FMN1: variants seen among roughly 807,000 people sequenced by gnomAD.
FMN1 encodes formin-1.
A neutral mutation model predicts 132.4 loss-of-function variants in FMN1; 110 were observed. The observed-to-expected ratio is 0.83, with a 90% CI of 0.71 to 0.97. The LOEUF (loss-of-function observed/expected upper bound fraction) is 0.97. Ranked by LOEUF, FMN1 falls within the 50% of genes least tolerant of loss-of-function variation. The pLI is 0.00. For synonymous variants in FMN1, 722 were observed against 651.7 expected (o/e 1.11, Z -1.64); for missense variants, 1,792 against 1,705.3 (o/e 1.05, Z -0.90).
chr15:32,799,981 T>A (rs77339637), intron 18 of FMN1, among the ~76,000 whole-genome samples: 1 of 152,160 alleles, frequency 6.6e-6, no homozygotes, highest in East Asian at 1.9e-4. Flanking sequence ...GGTTTTTTTT[T>A]TGTGTGTGGC....
intron 4 of FMN1, among the ~76,000 whole-genome samples, chr15:33,140,332 A>C (rs1963956680): frequency 6.7e-6 from 1 of 148,238 alleles, no homozygotes; most frequent in Admixed American, 6.9e-5. Context: ...AACTCTTCAA[A>C]AATAAAGTTA....
intron 7 of FMN1, among the ~76,000 whole-genome samples, chr15:32,997,568 C>G (rs2140891902): frequency 6.6e-6 from 1 of 152,298 alleles, no homozygotes. Context: ...TCGAAATTAT[C>G]TACGTGAAGC....
chr15:33,156,947 T>A (rs992573635), intron 3 of FMN1, among the ~76,000 whole-genome samples: 1 of 152,056 alleles, frequency 6.6e-6, no homozygotes, highest in Non-Finnish European at 1.5e-5. Context: ...AGGAGTAGTG[T>A]GTGATGTTGG....
intron 5 of FMN1, chr15:33,066,582 T>C: frequency 6.2e-7 from 1 of 1,612,762 alleles, no homozygotes; most frequent in East Asian, 2.2e-5. Flanking sequence ...AGCGACTCCT[T>C]CTCATGTCTC....
At chr15:32,846,731 A>G (rs1413700841) in intron 17 of FMN1, among the ~76,000 whole-genome samples, 1 of 152,236 alleles carries the variant, frequency 6.6e-6, no homozygotes, top group African/African-American at 2.4e-5. Context: ...AGGATTATAA[A>G]TCATTCTGCT....
intron 4 of FMN1, among the ~76,000 whole-genome samples, chr15:33,120,978 C>T (rs1320532198): frequency 6.6e-6 from 1 of 152,052 alleles, no homozygotes; most frequent in African/African-American, 2.4e-5. Context: ...CTTTTCCTCC[C>T]ATTGCTTCTT....
At chr15:32,779,336 C>G (rs1249854411) in intron 19 of FMN1, among the ~76,000 whole-genome samples, 1 of 152,150 alleles carries the variant, frequency 6.6e-6, no homozygotes, top group Non-Finnish European at 1.5e-5. Flanking sequence ...CTCAATACAA[C>G]TTATTAAAAA....
intron 19 of FMN1, among the ~76,000 whole-genome samples, chr15:32,784,135 G>A (rs141450876): frequency 6.6e-6 from 1 of 152,296 alleles, no homozygotes; most frequent in Admixed American, 6.5e-5. Flanking sequence ...GGGCAGATAA[G>A]AGTGTTCAGG....
intron 17 of FMN1, among the ~76,000 whole-genome samples, chr15:32,813,789 G>A (rs898070622): frequency 6.6e-6 from 1 of 152,134 alleles, no homozygotes; most frequent in South Asian, 2.1e-4. Flanking sequence ...TAGATGAAGC[G>A]ACTATTTGGA....
chr15:32,970,639 C>T (rs1349480567), intron 7 of FMN1: 3 of 152,088 alleles, frequency 2.0e-5, no homozygotes, highest in Non-Finnish European at 4.4e-5. Flanking sequence ...CTCCCTTTTG[C>T]ATTGAAAAAG....
At chr15:32,844,432 T>C (rs2058814086) in intron 17 of FMN1, among the ~76,000 whole-genome samples, 1 of 152,192 alleles carries the variant, frequency 6.6e-6, no homozygotes, top group Non-Finnish European at 1.5e-5. Flanking sequence ...AAGATGTAAT[T>C]ATAGAAATAA....
At chr15:33,081,121 C>A (rs2038437961) in intron 5 of FMN1, among the ~76,000 whole-genome samples, 1 of 152,140 alleles carries the variant, frequency 6.6e-6, no homozygotes, top group Non-Finnish European at 1.5e-5. Context: ...GCTTCTTAAA[C>A]CCTTGCATTT....
At chr15:32,976,073 T>C (rs1218043740) in intron 7 of FMN1, among the ~76,000 whole-genome samples, 3 of 152,094 alleles carry the variant, frequency 2.0e-5, no homozygotes, top group Admixed American at 6.5e-5. Context: ...AATCATCCGT[T>C]AGCATTTTGT....
chr15:33,088,819 C>G lies in FMN1; in HGVS notation c.2023G>C (p.Glu675Gln). The part of the protein sequence containing the change: ...HEEREKSNRS[E>Q]LYLDLHPDHS... Reference sequence around the variant, plus strand: ...CTTACATGGAGATCCAAGTACAATTCGCTCCTGTTTGACTTCTCCCTTTCC... The same window carrying G: ...CTTACATGGAGATCCAAGTACAATTGGCTCCTGTTTGACTTCTCCCTTTCC... The change falls in exon 5 of 21, where the codon GAA becomes CAA. Residue 675 changes from glutamate to glutamine, a missense_variant. Glu to Gln is a conservative substitution (Grantham distance 29). Transcript: ENST00000616417. The G allele has an allele frequency of 6.5e-7, 1 of 1,535,708 alleles. No individual in the cohort carries two copies. The highest frequency in any genetic ancestry group is 8.7e-7 in the Non-Finnish European group (1 of 1,146,742).
chr15:33,050,394 T>C (rs1339622819), intron 6 of FMN1, among the ~76,000 whole-genome samples: 1 of 129,318 alleles, frequency 7.7e-6, no homozygotes, highest in East Asian at 2.0e-4. Flanking sequence ...GATAAAAGGA[T>C]TTTTTTTTTA....
At chr15:33,000,876 A>C (rs1402803494) in intron 7 of FMN1, among the ~76,000 whole-genome samples, 2 of 152,232 alleles carry the variant, frequency 1.3e-5, no homozygotes, top group Non-Finnish European at 2.9e-5. Flanking sequence ...GAGGCATTTC[A>C]AAGTATCACT....
chr15:33,151,604 G>A (rs993055011), intron 4 of FMN1, among the ~76,000 whole-genome samples: 1 of 152,104 alleles, frequency 6.6e-6, no homozygotes. Flanking sequence ...GGAAAAAGAG[G>A]ATTTACTAAA....
At chr15:32,922,774 T>C (rs1054841476) in intron 10 of FMN1, among the ~76,000 whole-genome samples, 4 of 152,236 alleles carry the variant, frequency 2.6e-5, no homozygotes, top group African/African-American at 9.6e-5. Flanking sequence ...GTACTTCTAT[T>C]CCTATCAACT....
chr15:32,870,567 C>A (rs1567301871), intron 16 of FMN1, among the ~76,000 whole-genome samples: 1 of 152,186 alleles, frequency 6.6e-6, no homozygotes, highest in Non-Finnish European at 1.5e-5. Context: ...ACAGCCTTTG[C>A]ACGGAATTGT....
Sources: gnomAD v4.1 joint callset for allele counts (sites outside exome capture counted in the v4.1 genomes callset) on GRCh38, gnomAD v4.1.1 for gene constraint, MANE v1.5 for transcripts, NCBI Gene and HGNC (gene_info 2026-07-23, HGNC 2026-07-21) for gene names.